NR4A3: variants seen among roughly 807,000 people sequenced by gnomAD.
The protein encoded by NR4A3 is nuclear receptor subfamily 4 group A member 3, also known as chondrosarcoma, extraskeletal myxoid, fused to EWS.
Under a neutral mutation model 55.6 loss-of-function variants are expected in NR4A3, and 13 were observed. The ratio of observed to expected loss-of-function variants is 0.23; its 90% CI spans 0.15 to 0.37. NR4A3 has a LOEUF of 0.37. Ranked by LOEUF, NR4A3 falls within the 10% of genes least tolerant of loss-of-function variation. NR4A3 has a pLI of 1.00. For synonymous variants in NR4A3, 342 were observed against 357.9 expected (o/e 0.96, Z 0.50); for missense variants, 646 against 822.8 (o/e 0.79, Z 2.63).
In NR4A3 at chr9:99,866,356, T is replaced by C. The variant is rs1828097699; in HGVS notation, c.*2489T>C. 1.3e-5 allele frequency: 3 copies of C among 222,720 alleles called. No homozygotes were observed. Among genetic ancestry groups the C allele is most frequent in the Non-Finnish European group, 1.8e-5 (2 of 111,200 alleles). The allele number at this position is 222,720 out of a possible 1,614,324, so 13.8% of individuals were successfully genotyped here. A position where few individuals can be genotyped will look rare whatever the true frequency, so the allele number is the denominator to read the frequency against. On this transcript the variant is annotated 3_prime_UTR_variant, in exon 8 of 8. Coordinates refer to ENST00000395097, the MANE Select transcript of NR4A3 (RefSeq NM_006981.4). ...TAAAAACAGAGCCCTAGAGAAATGCTGTTACTTTTTATTTTTACACCCATC... is the reference window on the plus strand; with the variant it reads ...TAAAAACAGAGCCCTAGAGAAATGCCGTTACTTTTTATTTTTACACCCATC...
At chr9:99,823,928 G>C (rs1002263853) in intron 1 of NR4A3, among the ~76,000 whole-genome samples, 12 of 152,058 alleles carry the variant, frequency 7.9e-5, no homozygotes, top group Non-Finnish European at 1.3e-4. Flanking sequence ...ACTCCGCAGA[G>C]GAGCCCCGGT....
At chr9:99,853,360 G>A (rs1827886503) in intron 7 of NR4A3, among the ~76,000 whole-genome samples, 1 of 135,022 alleles carries the variant, frequency 7.4e-6, no homozygotes, top group Admixed American at 7.4e-5. Context: ...TAAGTTTTAG[G>A]GTACATGTGC....
chr9:99,866,578 T>A lies in NR4A3; in HGVS notation c.*2711T>A, dbSNP rs1828101437. The A allele has an allele frequency of 2.2e-5, 5 of 228,136 alleles. No individual in the cohort carries two copies. The highest frequency in any genetic ancestry group is 1.1e-4 in the African/African-American group (5 of 45,060). 14.1% of individuals were successfully genotyped at this position (228,136 alleles called of 1,614,324 possible). On this transcript the variant is annotated 3_prime_UTR_variant, in exon 8 of 8. Transcript: ENST00000395097. ...CAACTCCCTTTTTTTTGTCTTAATGTTGCACATAAGTTTATACAGAGTGGA... is the reference window on the plus strand; with the variant it reads ...CAACTCCCTTTTTTTTGTCTTAATGATGCACATAAGTTTATACAGAGTGGA...
chr9:99,849,694 A>G (rs1827816637), intron 7 of NR4A3, among the ~76,000 whole-genome samples: 1 of 152,254 alleles, frequency 6.6e-6, no homozygotes, highest in Non-Finnish European at 1.5e-5. Flanking sequence ...TTGGATTCCT[A>G]CAAGTAAAAG....
chr9:99,840,040 A>G (rs560927315), intron 5 of NR4A3, among the ~76,000 whole-genome samples: 10 of 152,350 alleles, frequency 6.6e-5, no homozygotes, highest in Admixed American at 5.9e-4. Context: ...CTTATGTCCA[A>G]TAGAGGAGAT....
intron 4 of NR4A3, 103 bp downstream of exon 4, chr9:99,832,921 T>C: frequency 2.0e-6 from 2 of 1,022,462 alleles, no homozygotes; most frequent in Non-Finnish European, 2.7e-6. Context: ...TTCTAGTTCC[T>C]TTTTCCTTTC....
chr9:99,863,469 G>A, intron 7 of NR4A3, 151 bp from the exon 8 acceptor site: 1 of 838,400 alleles, frequency 1.2e-6, no homozygotes, highest in Admixed American at 2.7e-5. Context: ...TCATACCAAA[G>A]GCCATGAGCT....
At position 99,866,560 on chromosome 9, in the gene NR4A3, CT is replaced by C. The variant is rs1180697223; in HGVS notation, c.*2701del. 20 of 227,374 alleles carry C rather than the reference CT, an allele frequency of 8.8e-5. No homozygotes were observed. The highest frequency in any genetic ancestry group is 7.9e-5 in the Non-Finnish European group (9 of 114,276). The allele number at this position is 227,374 out of a possible 1,614,324, so 14.1% of individuals were successfully genotyped here. A position where few individuals can be genotyped will look rare whatever the true frequency, so the allele number is the denominator to read the frequency against. ...CAAGTCATCTTATCAACTCAACTCC[CT>C]TTTTTTTGTCTTAATGTTGCACATA... On this transcript the variant is annotated 3_prime_UTR_variant, in exon 8 of 8. Transcript: ENST00000395097.
rs746090197 is a variant in NR4A3 at position 99,825,451 on chromosome 9, C to T, written c.-176-208C>T. Among the ~76,000 whole-genome samples the T allele has an allele frequency of 6.6e-6, 1 of 152,186 alleles. No individual in the cohort carries two copies. Among genetic ancestry groups the T allele is most frequent in the African/African-American group, 2.4e-5 (1 of 41,444 alleles). On this transcript the variant is annotated intron_variant, in intron 1 of 7. Coordinates refer to ENST00000395097, the MANE Select transcript of NR4A3 (RefSeq NM_006981.4). This position sits in a 1 kb window ranked among gnomAD's most constrained non-coding sequence, Gnocchi z 5.0. ...GCAGTGGGTTCCAACAACCTTTCCTCGGCTTCCCCGAGGCCGTGTGATGCT... is the reference window on the plus strand; with the variant it reads ...GCAGTGGGTTCCAACAACCTTTCCTTGGCTTCCCCGAGGCCGTGTGATGCT...
chr9:99,849,255 C>A (rs563067060), intron 7 of NR4A3, among the ~76,000 whole-genome samples: 1 of 152,272 alleles, frequency 6.6e-6, no homozygotes, highest in East Asian at 1.9e-4. Context: ...CAAAGACAAG[C>A]AACTGGTATG....
At chr9:99,858,428 C>T (rs987519011) in intron 7 of NR4A3, among the ~76,000 whole-genome samples, 15 of 152,208 alleles carry the variant, frequency 9.9e-5, no homozygotes, top group Admixed American at 8.5e-4. Context: ...AGAAATCCAA[C>T]GGTGTCTTTA....
In NR4A3 at chr9:99,848,506, G is replaced by A. The variant is rs375328651; in HGVS notation, c.1633+891G>A. Among the ~76,000 whole-genome samples the A allele has an allele frequency of 9.5e-4, 144 of 152,006 alleles. 1 individual carries two copies. Among genetic ancestry groups the A allele is most frequent in the Middle Eastern group, 3.4e-3 (1 of 294 alleles). ...ATTACAGGTACCTGCCACCATGCCC[G>A]GCTAATTTTTGTATCTTTAGTAGAG... On this transcript the variant is annotated intron_variant, in intron 7 of 7. Transcript: ENST00000395097.
chr9:99,829,123 C>T, intron 3 of NR4A3, 130 bp downstream of exon 3: 1 of 1,079,136 alleles, frequency 9.3e-7, no homozygotes, highest in Non-Finnish European at 1.2e-6. Flanking sequence ...TTTCCTACAG[C>T]CCTTCCTAGC....
In NR4A3 at chr9:99,864,089, T is replaced by C. The variant is rs765264412; in HGVS notation, c.*222T>C. 2.2e-6 allele frequency: 1 copy of C among 464,688 alleles called. No individual in the cohort carries two copies. Among genetic ancestry groups the C allele is most frequent in the Non-Finnish European group, 3.8e-6 (1 of 260,918 alleles). The allele number at this position is 464,688 out of a possible 1,614,324, so 28.8% of individuals were successfully genotyped here. On this transcript the variant is annotated 3_prime_UTR_variant, in exon 8 of 8. Transcript: ENST00000395097. ...TGGGGTTGTGTTTTATATTTAGGCA[T>C]TGGGGGATGGGGTGGGAGGGGGTTA...
intron 7 of NR4A3, among the ~76,000 whole-genome samples, chr9:99,851,219 G>C (rs1827844022): frequency 1.3e-5 from 2 of 152,116 alleles, no homozygotes; most frequent in African/African-American, 4.8e-5. Context: ...TTGAAAGTGG[G>C]TTTGATAAGT....
At chr9:99,850,267 A>G (rs943447037) in intron 7 of NR4A3, among the ~76,000 whole-genome samples, 30 of 152,350 alleles carry the variant, frequency 2.0e-4, no homozygotes, top group Non-Finnish European at 4.0e-4. Flanking sequence ...AGTTTTGGGC[A>G]TAGATTAGAG....
At chr9:99,849,218 T>C (rs943346839) in intron 7 of NR4A3, among the ~76,000 whole-genome samples, 1 of 152,200 alleles carries the variant, frequency 6.6e-6, no homozygotes, top group Non-Finnish European at 1.5e-5. Flanking sequence ...GCTAGGCTGG[T>C]TCATCATTTG....
intron 5 of NR4A3, among the ~76,000 whole-genome samples, chr9:99,837,108 C>T (rs946080384): frequency 2.0e-5 from 3 of 152,004 alleles, no homozygotes; most frequent in Non-Finnish European, 4.4e-5. Flanking sequence ...AATCCCTTGT[C>T]GGATGGATAG....
At chr9:99,860,109 G>T (rs186167656) in intron 7 of NR4A3, among the ~76,000 whole-genome samples, 2 of 151,762 alleles carry the variant, frequency 1.3e-5, no homozygotes, top group Non-Finnish European at 1.5e-5. Context: ...GTATTTTCAC[G>T]TTTATATTTT....
Sources: allele counts gnomAD v4.1 joint callset (sites outside exome capture counted in the v4.1 genomes callset), GRCh38; gene constraint gnomAD v4.1.1; non-coding constraint Gnocchi (gnomAD v3.1); transcripts MANE v1.5; gene names NCBI Gene and HGNC (gene_info 2026-07-23, HGNC 2026-07-21).